ZPLD1: variants seen among roughly 807,000 people sequenced by gnomAD.
The protein encoded by ZPLD1 is zona pellucida like domain containing 1.
ZPLD1 carries 34 observed loss-of-function variants against 47.2 expected under a neutral mutation model. That is an observed-to-expected ratio of 0.72 (90% CI 0.55 to 0.96). The LOEUF (loss-of-function observed/expected upper bound fraction) is 0.96. Among genes scored for constraint, ZPLD1 ranks in the 40% least tolerant of loss-of-function variants. The pLI is 0.00. For synonymous variants in ZPLD1, 176 were observed against 186.2 expected, an observed-to-expected ratio of 0.95 and a Z score of 0.45; for missense variants, 512 against 505.8, an observed-to-expected ratio of 1.01 and a Z score of -0.12.
At chr3:102,405,461 GA>G (rs1273524534) in intron 7 of ZPLD1, among the ~76,000 whole-genome samples, 5 of 151,954 alleles carry the variant, frequency 3.3e-5, no homozygotes, top group Non-Finnish European at 7.4e-5. Flanking sequence ...ATCAATAGCA[GA>G]AAGGAAAGCA....
chr3:102,394,746 G>C (rs1190154586), intron 7 of ZPLD1, among the ~76,000 whole-genome samples: 1 of 152,044 alleles, frequency 6.6e-6, no homozygotes, highest in Non-Finnish European at 1.5e-5. Context: ...GCATGGAACT[G>C]TCTTCCCTAA....
chr3:102,470,562 G>GAA, intron 10 of ZPLD1, 60 bp downstream of exon 10: 1 of 1,385,226 alleles, frequency 7.2e-7, no homozygotes, highest in Non-Finnish European at 1.0e-6. Flanking sequence ...CTCGTTACTT[G>GAA]GCTTCTAACG....
At chr3:102,417,570 C>T (rs1262616183) in intron 7 of ZPLD1, among the ~76,000 whole-genome samples, 1 of 151,872 alleles carries the variant, frequency 6.6e-6, no homozygotes, top group Non-Finnish European at 1.5e-5. Context: ...CAATTGGGTC[C>T]TGTTGGGTTT....
At chr3:102,419,884 G>A (rs1191547709) in intron 8 of ZPLD1, among the ~76,000 whole-genome samples, 1 of 145,412 alleles carries the variant, frequency 6.9e-6, no homozygotes, top group East Asian at 2.0e-4. Context: ...TTTTTTTTTG[G>A]TTAATTTACC....
chr3:102,407,923 G>A (rs1261798383), intron 7 of ZPLD1, among the ~76,000 whole-genome samples: 2 of 151,812 alleles, frequency 1.3e-5, no homozygotes, highest in African/African-American at 4.8e-5. Flanking sequence ...TAAATATACT[G>A]GGTTTGTATG....
intron 3 of ZPLD1, among the ~76,000 whole-genome samples, chr3:102,448,474 G>T (rs1460640272): frequency 6.6e-6 from 1 of 152,138 alleles, no homozygotes; most frequent in Non-Finnish European, 1.5e-5. Context: ...CCTTCTCAAA[G>T]CCTCACAAAT....
chr3:102,388,393 C>T (rs1016226702), intron 6 of ZPLD1, among the ~76,000 whole-genome samples: 2 of 147,586 alleles, frequency 1.4e-5, no homozygotes, highest in East Asian at 2.0e-4. Context: ...ATTTTTAAAA[C>T]GTATTAAGCT....
chr3:102,457,629 C>T, intron 5 of ZPLD1, 152 bp from the exon 6 acceptor site: 2 of 537,446 alleles, frequency 3.7e-6, no homozygotes, highest in Non-Finnish European at 6.4e-6. Context: ...AGTATTTTAT[C>T]TGTTCAGAGA....
intron 5 of ZPLD1, 30 bp from the exon 6 acceptor site, chr3:102,457,751 A>T (rs987017786): frequency 6.2e-7 from 1 of 1,604,308 alleles, no homozygotes. Flanking sequence ...AAATCTCATC[A>T]GTGCTTTCCT....
At chr3:102,413,627 G>T (rs72942849) in intron 7 of ZPLD1, among the ~76,000 whole-genome samples, 24 of 151,648 alleles carry the variant, frequency 1.6e-4, no homozygotes, top group Non-Finnish European at 2.8e-4. Context: ...CTATAAATGG[G>T]CATACAAAAC....
upstream of ZPLD1, among the ~76,000 whole-genome samples, chr3:102,432,044 G>A (rs1174485224): frequency 1.3e-5 from 2 of 152,178 alleles, no homozygotes; most frequent in Non-Finnish European, 1.5e-5. Context: ...TTTAGTGCCC[G>A]TTTACCTAGG....
At chr3:102,423,930 AC>A (rs1362866755) in intron 8 of ZPLD1, among the ~76,000 whole-genome samples, 2 of 151,966 alleles carry the variant, frequency 1.3e-5, no homozygotes, top group African/African-American at 4.8e-5. Flanking sequence ...TAGATCACAT[AC>A]TCCATTCCAG....
chr3:102,453,550 C>T (rs995835075), intron 4 of ZPLD1, among the ~76,000 whole-genome samples: 6 of 152,158 alleles, frequency 3.9e-5, no homozygotes, highest in African/African-American at 1.2e-4. Flanking sequence ...TAAAGAAAGA[C>T]GAAAGATAGA....
At chr3:102,455,327 G>C (rs1468742136) in intron 4 of ZPLD1, among the ~76,000 whole-genome samples, 1 of 152,180 alleles carries the variant, frequency 6.6e-6, no homozygotes, top group East Asian at 1.9e-4. Flanking sequence ...TATTCCTAAA[G>C]TGGTGGATCT....
At position 102,387,145 on chromosome 3, in the gene ZPLD1, CTGGGTCT is replaced by C. The variant is rs1706433108; in HGVS notation, c.-213+1829_-213+1835del. Reference sequence around the variant, plus strand: ...TTCTTTCCTGTAAATTAACTGTGAGCTGGGTCTCTTGACTCTTCACTTTATAAGATGA... The same window carrying C: ...TTCTTTCCTGTAAATTAACTGTGAGCCTTGACTCTTCACTTTATAAGATGA... On this transcript the variant is annotated intron_variant, in intron 6 of 17. Transcript: ENST00000491959. 2.6e-5 allele frequency among the ~76,000 whole-genome samples: 4 copies of C among 152,246 alleles called. 1 individual carries two copies. In the South Asian group the frequency reaches 8.3e-4, roughly 32 times the overall value.
chr3:102,407,901 C>G (rs1359794915), intron 7 of ZPLD1, among the ~76,000 whole-genome samples: 1 of 151,812 alleles, frequency 6.6e-6, no homozygotes. Context: ...CAATGAGGCT[C>G]AGGTGCCACT....
intron 3 of ZPLD1, among the ~76,000 whole-genome samples, chr3:102,444,389 A>T (rs950804018): frequency 9.2e-5 from 14 of 152,148 alleles, no homozygotes; most frequent in African/African-American, 3.4e-4. Context: ...TTCCTAATCC[A>T]CTTTAAGTTC....
chr3:102,468,717 A>G (rs1447435023), intron 8 of ZPLD1, among the ~76,000 whole-genome samples: 5 of 152,146 alleles, frequency 3.3e-5, no homozygotes, highest in African/African-American at 7.3e-5. Context: ...TTTTTGAACT[A>G]CATGAAAGTA....
At chr3:102,424,106 A>G (rs1706912560) in intron 8 of ZPLD1, among the ~76,000 whole-genome samples, 1 of 152,162 alleles carries the variant, frequency 6.6e-6, no homozygotes, top group Non-Finnish European at 1.5e-5. Context: ...ATTTTCTTTT[A>G]TCCATCAGGA....
Sources: allele counts gnomAD v4.1 joint callset (sites outside exome capture counted in the v4.1 genomes callset), GRCh38; gene constraint gnomAD v4.1.1; transcripts MANE v1.5; gene names NCBI Gene and HGNC (gene_info 2026-07-23, HGNC 2026-07-21).